Variants in ORC2 observed in about 807,000 individuals in gnomAD.
The protein encoded by ORC2 is origin recognition complex protein 2 homolog.
In ORC2, 37 loss-of-function variants were observed where a neutral mutation model predicts 77.7. The observed-to-expected ratio is 0.48, with a 90% CI of 0.37 to 0.63. The LOEUF (loss-of-function observed/expected upper bound fraction) is 0.63, where lower values mean the gene tolerates loss of function less well. Among genes scored for constraint, ORC2 ranks in the 20% least tolerant of loss-of-function variants. The pLI is 0.00. For missense variants in ORC2, 557 were observed against 661.9 expected (o/e 0.84, Z 1.74); for synonymous variants, 201 against 229.5 (o/e 0.88, Z 1.12).
chr2:200,922,516 T>C (rs1339069862), intron 13 of ORC2, among the ~76,000 whole-genome samples: 2 of 151,012 alleles, frequency 1.3e-5, no homozygotes, highest in East Asian at 3.9e-4. Flanking sequence ...AAGCCACAGG[T>C]ATTGATAAGT....
intron 5 of ORC2, chr2:200,943,194 T>G (rs2041187122): frequency 6.5e-6 from 1 of 153,278 alleles, no homozygotes; most frequent in African/African-American, 2.4e-5. Flanking sequence ...TACTTTAAAA[T>G]CTTTTAAATC....
intron 10 of ORC2, among the ~76,000 whole-genome samples, chr2:200,932,254 T>C (rs930615724): frequency 3.3e-5 from 5 of 152,148 alleles, no homozygotes; most frequent in African/African-American, 1.2e-4. Context: ...CAGCAGTCAT[T>C]TACACTAGAT....
chr2:200,912,181 G>A (rs980749355), intron 17 of ORC2, among the ~76,000 whole-genome samples: 2 of 151,906 alleles, frequency 1.3e-5, no homozygotes, highest in Admixed American at 6.6e-5. Context: ...CTCACTAAAC[G>A]TCCTCCCTTT....
At chr2:200,949,308 A>C (rs2041308205) in intron 5 of ORC2, among the ~76,000 whole-genome samples, 1 of 152,104 alleles carries the variant, frequency 6.6e-6, no homozygotes, top group Non-Finnish European at 1.5e-5. Context: ...AAGACTGTGC[A>C]CATACTACAA....
chr2:200,921,075 C>G lies in ORC2; in HGVS notation c.1212G>C (p.Lys404Asn), dbSNP rs761117302. The G allele has an allele frequency of 1.9e-6, 3 of 1,609,844 alleles. No homozygotes were observed. In the South Asian group the frequency reaches 3.3e-5, roughly 18 times the overall value. Reference sequence around the variant, plus strand: ...ACAACTGACCAATGATTTGCTGGCTCTTCTCTCCTCTCAACATCTGGCTAT... The same window carrying G: ...ACAACTGACCAATGATTTGCTGGCTGTTCTCTCCTCTCAACATCTGGCTAT... ...NLDSQMLRGE[K>N]SQQIIGQLSS... The change falls in exon 14 of 18, where the codon AAG becomes AAC. Residue 404 changes from lysine (K) to asparagine (N), a missense_variant. Transcript: ENST00000234296.
chr2:200,951,856 G>A (rs1248051969), intron 4 of ORC2, among the ~76,000 whole-genome samples: 5 of 152,106 alleles, frequency 3.3e-5, no homozygotes, highest in Non-Finnish European at 7.4e-5. Context: ...TCACTTTCTT[G>A]AGAAACAATG....
intron 5 of ORC2, among the ~76,000 whole-genome samples, chr2:200,945,736 C>T (rs1232751125): frequency 6.6e-6 from 1 of 152,120 alleles, no homozygotes; most frequent in Admixed American, 6.5e-5. Context: ...TCTAACCAAT[C>T]TATTTTCTAA....
At chr2:200,917,974 G>A (rs1028460325) in intron 15 of ORC2, among the ~76,000 whole-genome samples, 4 of 150,700 alleles carry the variant, frequency 2.7e-5, no homozygotes, top group Admixed American at 6.6e-5. Context: ...TTCTTCTCCA[G>A]GGTTGGTACC....
At chr2:200,938,002 T>G in intron 7 of ORC2, 36 bp from the exon 8 acceptor site, 3 of 1,406,320 alleles carry the variant, frequency 2.1e-6, no homozygotes, top group East Asian at 4.6e-5. Flanking sequence ...AATAATAACA[T>G]GGAAATTAAT....
intron 5 of ORC2, among the ~76,000 whole-genome samples, chr2:200,947,325 A>G (rs186197644): frequency 1.6e-4 from 25 of 152,364 alleles, no homozygotes; most frequent in Non-Finnish European, 2.8e-4. Flanking sequence ...CATTTTAGAA[A>G]AACTAAACTG....
At chr2:200,952,254 A>G (rs374127201) in intron 4 of ORC2, among the ~76,000 whole-genome samples, 9 of 151,330 alleles carry the variant, frequency 5.9e-5, no homozygotes, top group Admixed American at 5.3e-4. Flanking sequence ...ATATTTATAT[A>G]ATTTATTTAT....
At chr2:200,926,554 C>G (rs1373105001) in intron 12 of ORC2, among the ~76,000 whole-genome samples, 4 of 152,176 alleles carry the variant, frequency 2.6e-5, no homozygotes, top group Non-Finnish European at 5.9e-5. Flanking sequence ...CTAACATTTT[C>G]CTAAGTTTTA....
chr2:200,958,205 A>C (rs2041507964), intron 2 of ORC2, 72 bp from the exon 3 acceptor site: 1 of 833,226 alleles, frequency 1.2e-6, no homozygotes, highest in East Asian at 2.5e-5. Context: ...ACATTCACAT[A>C]ATGAATACAT....
intron 14 of ORC2, 77 bp downstream of exon 14, chr2:200,920,915 AT>A (rs2040745580): frequency 1.0e-5 from 11 of 1,075,662 alleles, no homozygotes; most frequent in Non-Finnish European, 1.4e-5. Flanking sequence ...AACAGTAAAA[AT>A]TTTCTGATTT....
chr2:200,930,620 T>C lies in ORC2; in HGVS notation c.917+719A>G, dbSNP rs139167727. ...TATGGGAGGCCAAGTGCCTGGTCCA[T>C]GGCTCTACCTTCTTATTTACCTCAG... On this transcript the variant is annotated intron_variant, in intron 11 of 17. Transcript: ENST00000234296. 2.8e-3 allele frequency among the ~76,000 whole-genome samples: 419 copies of C among 152,018 alleles called. 7 individuals carry two copies. Among genetic ancestry groups the C allele is most frequent in the East Asian group, 0.015 (80 of 5,182 alleles).
At chr2:200,956,544 G>A (rs192945195) in intron 4 of ORC2, among the ~76,000 whole-genome samples, 4 of 150,438 alleles carry the variant, frequency 2.7e-5, no homozygotes, top group Middle Eastern at 3.7e-3. Context: ...TGCCTAGGAT[G>A]GTTACAAACT....
intron 1 of ORC2, among the ~76,000 whole-genome samples, chr2:200,961,587 T>A (rs1167645261): frequency 6.6e-6 from 1 of 152,142 alleles, no homozygotes; most frequent in Non-Finnish European, 1.5e-5. Flanking sequence ...AACTTTCCAG[T>A]TCATTGGGTG....
At chr2:200,926,123 A>C (rs1052373321) in intron 12 of ORC2, among the ~76,000 whole-genome samples, 191 bp from the exon 13 acceptor site, 5 of 152,208 alleles carry the variant, frequency 3.3e-5, no homozygotes, top group South Asian at 2.1e-4. Flanking sequence ...TTGTGGCTAA[A>C]AGAAAACAGA....
At chr2:200,933,732 A>G (rs1410209143) in intron 10 of ORC2, 144 bp downstream of exon 10, 1 of 505,936 alleles carries the variant, frequency 2.0e-6, no homozygotes, top group East Asian at 3.1e-5. Flanking sequence ...ATATAATAAA[A>G]GAAGTAATAA....
Sources: gnomAD v4.1 joint callset for allele counts (sites outside exome capture counted in the v4.1 genomes callset) on GRCh38, gnomAD v4.1.1 for gene constraint, MANE v1.5 for transcripts, NCBI Gene and HGNC (gene_info 2026-07-23, HGNC 2026-07-21) for gene names.